The following INSL6 variants were observed in gnomAD, a reference collection of about 807,000 sequenced individuals.
INSL6 encodes the protein insulin-like peptide INSL6.
In INSL6, 16 loss-of-function variants were observed where a neutral mutation model predicts 9.4. The observed-to-expected ratio is 1.70, with a 90% CI of 1.15 to 2.59. The LOEUF (loss-of-function observed/expected upper bound fraction) is 2.59, where lower values mean the gene tolerates loss of function less well. Ranked by LOEUF, INSL6 falls within the 30% of genes most tolerant of loss-of-function variation. INSL6 has a pLI of 0.00. For missense variants in INSL6, 391 were observed against 257.3 expected (o/e 1.52, Z -3.56); for synonymous variants, 154 against 96.9 (o/e 1.59, Z -3.46).
chr9:5,046,994 G>T, the INSL6 span, among the ~76,000 whole-genome samples: 1 of 151,972 alleles, frequency 6.6e-6, no homozygotes, highest in Non-Finnish European at 1.5e-5. Context: ...AAAATTTTGG[G>T]TGATTTCAGA....
intron 1 of INSL6, among the ~76,000 whole-genome samples, chr9:5,182,846 T>C (rs890777724): frequency 3.9e-4 from 60 of 152,082 alleles, no homozygotes; most frequent in African/African-American, 1.4e-3. Flanking sequence ...CATTACGGGG[T>C]AGGTCTTGGA....
chr9:5,093,825 AG>A, the INSL6 span, among the ~76,000 whole-genome samples: 1 of 152,180 alleles, frequency 6.6e-6, no homozygotes, highest in Non-Finnish European at 1.5e-5. Flanking sequence ...GCCGCTATTA[AG>A]GGTTCATTTA....
chr9:5,169,564 A>T (rs1028239216), intron 1 of INSL6, among the ~76,000 whole-genome samples: 1 of 152,210 alleles, frequency 6.6e-6, no homozygotes, highest in African/African-American at 2.4e-5. Context: ...CCCAATTAAA[A>T]GACACAAAGG....
chr9:5,069,915 A>G, the INSL6 span: 1 of 1,564,204 alleles, frequency 6.4e-7, no homozygotes, highest in East Asian at 2.3e-5. Context: ...TATGTATTTT[A>G]TTTTTTCAGA....
the INSL6 span, chr9:5,086,143 GCAAGGCTCGGGGA>G: frequency 2.6e-6 from 1 of 383,834 alleles, no homozygotes; most frequent in Admixed American, 4.8e-5. Flanking sequence ...CGGCGGCCCC[GCAAGGCTCGGGGA>G]GCGGTCTCCA....
intron 2 of INSL6, among the ~76,000 whole-genome samples, chr9:5,148,193 G>A (rs1824639952): frequency 6.6e-6 from 1 of 152,176 alleles, no homozygotes; most frequent in African/African-American, 2.4e-5. Flanking sequence ...TATAAACTGA[G>A]TATAGTCCAC....
At chr9:5,148,265 T>G (rs1223494832) in intron 2 of INSL6, among the ~76,000 whole-genome samples, 8 of 152,212 alleles carry the variant, frequency 5.3e-5, no homozygotes, top group African/African-American at 1.7e-4. Context: ...TGTTGAATTT[T>G]TGCACATGGT....
chr9:5,143,235 ATT>A lies in INSL6; in HGVS notation c.377-9645_377-9644del, dbSNP rs61635617. ...GTTACAGAGGAGTTCCTTCTCCTCAATTTTTTTTTTTTAATAGTTTCAGTAGG... is the reference window on the plus strand; with the variant it reads ...GTTACAGAGGAGTTCCTTCTCCTCAATTTTTTTTTTAATAGTTTCAGTAGG... On this transcript the variant is annotated intron_variant, in intron 2 of 3. Transcript: ENST00000649639. Among the ~76,000 whole-genome samples the A allele has an allele frequency of 6.1e-4, 88 of 144,384 alleles. 1 individual carries two copies. Among genetic ancestry groups the A allele is most frequent in the African/African-American group, 2.1e-3 (82 of 39,966 alleles). 94.7% of individuals were successfully genotyped at this position (144,384 alleles called of 152,430 possible).
chr9:5,050,652 C>T, the INSL6 span: 19 of 1,584,734 alleles, frequency 1.2e-5, no homozygotes, highest in Middle Eastern at 1.7e-4. Context: ...ATGAAACTTA[C>T]GATGAGATAT....
At chr9:5,037,883 A>C in the INSL6 span, among the ~76,000 whole-genome samples, 1 of 152,296 alleles carries the variant, frequency 6.6e-6, no homozygotes, top group South Asian at 2.1e-4. Context: ...GCAAATTGTA[A>C]AGATAGTTTC....
At chr9:5,179,386 G>T (rs1043436168) in intron 1 of INSL6, among the ~76,000 whole-genome samples, 1 of 152,268 alleles carries the variant, frequency 6.6e-6, no homozygotes, top group Non-Finnish European at 1.5e-5. Context: ...GGAGAAAAAG[G>T]AACACTTTTA....
At chr9:5,118,767 A>G in the INSL6 span, among the ~76,000 whole-genome samples, 4 of 152,178 alleles carry the variant, frequency 2.6e-5, no homozygotes, top group Non-Finnish European at 5.9e-5. Flanking sequence ...ATGCAGGAAA[A>G]AAGTACAGTA....
rs372254974 is a variant in INSL6 at position 5,173,714 on chromosome 9, C to T, written c.290-9449G>A. Reference sequence around the variant, plus strand: ...AGGCACAGCAAACCACCATGGCACACGTTTACCTATGTAATGAACTTGCAC... The same window carrying T: ...AGGCACAGCAAACCACCATGGCACATGTTTACCTATGTAATGAACTTGCAC... On this transcript the variant is annotated intron_variant, in intron 1 of 1. Coordinates refer to ENST00000381641, the MANE Select transcript of INSL6 (RefSeq NM_007179.3). Among the ~76,000 whole-genome samples the T allele has an allele frequency of 4.6e-5, 7 of 151,530 alleles. No individual in the cohort carries two copies. In the East Asian group the frequency reaches 1.4e-3, roughly 29 times the overall value.
At chr9:5,144,674 A>G (rs773942564) in intron 2 of INSL6, among the ~76,000 whole-genome samples, 21 of 152,340 alleles carry the variant, frequency 1.4e-4, no homozygotes, top group South Asian at 4.1e-4. Flanking sequence ...GGGTGCAAAC[A>G]TATTTAGGAT....
Position 5,185,603 on chromosome 9 carries a change from C to T in INSL6, c.-1G>A. 1 of 1,610,394 alleles carries T rather than the reference C, an allele frequency of 6.2e-7. No individual in the cohort carries two copies. Among genetic ancestry groups the T allele is most frequent in the East Asian group, 2.2e-5 (1 of 44,788 alleles). ...GGGACAAGCGGAGGAGCCGCGGCATCCCTGTGACCCCAGGCTAGTCCTCCG... is the reference window on the plus strand; with the variant it reads ...GGGACAAGCGGAGGAGCCGCGGCATTCCTGTGACCCCAGGCTAGTCCTCCG... On this transcript the variant is annotated 5_prime_UTR_variant, in exon 1 of 2. Coordinates refer to ENST00000381641, the MANE Select transcript of INSL6 (RefSeq NM_007179.3).
At chr9:5,142,811 TTCAG>T (rs1375530413) in intron 2 of INSL6, among the ~76,000 whole-genome samples, 1 of 152,200 alleles carries the variant, frequency 6.6e-6, no homozygotes, top group Non-Finnish European at 1.5e-5. Flanking sequence ...CTTTTACCCA[TTCAG>T]TATGATATTG....
At chr9:5,030,142 C>G in the INSL6 span, among the ~76,000 whole-genome samples, 1 of 152,080 alleles carries the variant, frequency 6.6e-6, no homozygotes, top group Admixed American at 6.6e-5. Context: ...CCACTTAACT[C>G]CTTATGATTA....
chr9:5,123,364 G>T (rs1020844235), downstream of INSL6, among the ~76,000 whole-genome samples: 1 of 151,902 alleles, frequency 6.6e-6, no homozygotes, highest in African/African-American at 2.4e-5. Context: ...CTACGTTCAT[G>T]TGTATACATT....
At chr9:5,123,357 C>T (rs1823762279), downstream of INSL6, among the ~76,000 whole-genome samples, 1 of 151,864 alleles carries the variant, frequency 6.6e-6, no homozygotes, top group Admixed American at 6.6e-5. Flanking sequence ...CCACATTCTA[C>T]GTTCATGTGT....
Sources: gnomAD v4.1 joint callset for allele counts (sites outside exome capture counted in the v4.1 genomes callset) on GRCh38, gnomAD v4.1.1 for gene constraint, MANE v1.5 for transcripts, NCBI Gene and HGNC (gene_info 2026-07-23, HGNC 2026-07-21) for gene names.